The following EPN1 variants were observed in gnomAD, a reference collection of about 807,000 sequenced individuals.
The protein encoded by EPN1 is epsin-1.
Under a neutral mutation model 56.9 loss-of-function variants are expected in EPN1, and 25 were observed. The observed-to-expected ratio is 0.44, with a 90% CI of 0.32 to 0.61. The LOEUF is 0.61. Among genes scored for constraint, EPN1 ranks in the 20% least tolerant of loss-of-function variants. The probability of loss-of-function intolerance (pLI) is 0.05; values close to 1 mark genes in which losing one functional copy is unlikely to be tolerated. For missense variants in EPN1, 785 were observed against 823.7 expected, an observed-to-expected ratio of 0.95 and a Z score of 0.58; for synonymous variants, 411 against 361.8, an observed-to-expected ratio of 1.14 and a Z score of -1.54.
At chr19:55,693,588 G>T (rs1387298208) in intron 9 of EPN1, among the ~76,000 whole-genome samples, 1 of 152,204 alleles carries the variant, frequency 6.6e-6, no homozygotes, top group Non-Finnish European at 1.5e-5. Flanking sequence ...TCTTCGTCAG[G>T]AGTGCCCGAG....
Position 55,689,438 on chromosome 19 carries a change from C to T in EPN1, c.678+67C>T. The T allele has an allele frequency of 8.2e-7, 1 of 1,223,766 alleles. No homozygotes were observed. Among genetic ancestry groups the T allele is most frequent in the Non-Finnish European group, 1.2e-6 (1 of 851,838 alleles). 75.8% of individuals were successfully genotyped at this position (1,223,766 alleles called of 1,614,324 possible). ...CCTCAGACCAGCCCCGTCGCCCCTTCCTAAGTCACCCCCCACCATCCTGCT... is the reference window on the plus strand; with the variant it reads ...CCTCAGACCAGCCCCGTCGCCCCTTTCTAAGTCACCCCCCACCATCCTGCT... On this transcript the variant is annotated intron_variant, in intron 5 of 10. Transcript: ENST00000270460. This position sits in a 1 kb window ranked among gnomAD's most constrained non-coding sequence, Gnocchi z 5.7.
rs1396505068 is a variant in EPN1 at position 55,701,388 on chromosome 19, G to T, written c.*6032G>T. The T allele has an allele frequency of 2.7e-5, 4 of 150,820 alleles. No individual in the cohort carries two copies. In the East Asian group the frequency reaches 7.8e-4, roughly 29 times the overall value. The allele number at this position is 150,820 out of a possible 1,614,324, so 9.3% of individuals were successfully genotyped here. On this transcript the variant is annotated 3_prime_UTR_variant, in exon 11 of 11. Transcript: ENST00000270460. ...CGCTTGAACCCAGGAGGCGGAGGTT[G>T]TAGTGAGCCGAGATTGCACTACTGC...
rs538470243 is a variant in EPN1 at position 55,682,630 on chromosome 19, G to C, written c.229-2766G>C. 3.2e-4 allele frequency among the ~76,000 whole-genome samples: 49 copies of C among 152,014 alleles called. No homozygotes were observed. In the South Asian group the frequency reaches 0.01, roughly 31 times the overall value. ...TTTATTTTTTTAGAGCTGGGGTTTTGCCATGTCACCCACGATGGTCTTGAA... is the reference window on the plus strand; with the variant it reads ...TTTATTTTTTTAGAGCTGGGGTTTTCCCATGTCACCCACGATGGTCTTGAA... On this transcript the variant is annotated intron_variant, in intron 2 of 10. Coordinates refer to ENST00000270460, the MANE Select transcript of EPN1 (RefSeq NM_001130072.2).
rs1431654210 is a variant in EPN1, at chr19:55,698,001, C to G, written c.*2645C>G. The stretch of plus-strand genomic sequence containing the variant: ...TCAGTGGATGGAAAATCACTAAGAG[C>G]AAACCTCAGGGGTCCGGGGGTTTTC... On this transcript the variant is annotated 3_prime_UTR_variant, in exon 11 of 11. Coordinates refer to ENST00000270460, the MANE Select transcript of EPN1 (RefSeq NM_001130072.2). 1 of 151,652 alleles carries G rather than the reference C, an allele frequency of 6.6e-6. No homozygotes were observed. The highest frequency in any genetic ancestry group is 1.5e-5 in the Non-Finnish European group (1 of 67,986). The allele number at this position is 151,652 out of a possible 1,614,324, so 9.4% of individuals were successfully genotyped here.
At position 55,702,837 on chromosome 19, in the gene EPN1, C is replaced by T. The variant is rs1011402482; in HGVS notation, c.*7481C>T. 1 of 151,926 alleles carries T rather than the reference C, an allele frequency of 6.6e-6. No individual in the cohort carries two copies. The highest frequency in any genetic ancestry group is 1.5e-5 in the Non-Finnish European group (1 of 68,004). 9.4% of individuals were successfully genotyped at this position (151,926 alleles called of 1,614,324 possible). On this transcript the variant is annotated 3_prime_UTR_variant, in exon 11 of 11. Coordinates refer to ENST00000270460, the MANE Select transcript of EPN1 (RefSeq NM_001130072.2). ...TGAGACGGAGTCTTGCACTGTCACC[C>T]AGGCTGGAGTGCAGTGGTGCGATCT...
Position 55,694,037 on chromosome 19 carries a change from C to T in EPN1, c.1265-689C>T, listed in dbSNP as rs945889760. On this transcript the variant is annotated intron_variant, in intron 9 of 10. Coordinates refer to ENST00000270460, the MANE Select transcript of EPN1 (RefSeq NM_001130072.2). The surrounding 1 kb of genome is among the most constrained non-coding windows in gnomAD (Gnocchi z 4.2). Reference sequence around the variant, plus strand: ...TCAAGACCAGCCTGACCACCATGGCCAAAACTCCGTCTCTACTAAAAACAC... The same window carrying T: ...TCAAGACCAGCCTGACCACCATGGCTAAAACTCCGTCTCTACTAAAAACAC... 3.9e-5 allele frequency: 6 copies of T among 151,944 alleles called. No individual in the cohort carries two copies. Among genetic ancestry groups the T allele is most frequent in the African/African-American group, 1.5e-4 (6 of 41,364 alleles). 9.4% of individuals were successfully genotyped at this position (151,944 alleles called of 1,614,324 possible). A position where few individuals can be genotyped will look rare whatever the true frequency, so the allele number is the denominator to read the frequency against.
chr19:55,689,028 C>A lies in EPN1; in HGVS notation c.603+34C>A. On this transcript the variant is annotated intron_variant, in intron 4 of 10. Transcript: ENST00000270460. This position sits in a 1 kb window ranked among gnomAD's most constrained non-coding sequence, Gnocchi z 5.7. Reference sequence around the variant, plus strand: ...CGTGCAGCTGGGGCTGTCTGTCCGCCACCCGCCTCCACGCCTCACTTCAGG... The same window carrying A: ...CGTGCAGCTGGGGCTGTCTGTCCGCAACCCGCCTCCACGCCTCACTTCAGG... 6.4e-7 allele frequency: 1 copy of A among 1,551,166 alleles called. No individual in the cohort carries two copies.
intron 2 of EPN1, among the ~76,000 whole-genome samples, chr19:55,684,075 C>A (rs546034502): frequency 2.0e-5 from 3 of 152,282 alleles, no homozygotes; most frequent in Admixed American, 2.0e-4. Context: ...GCTTTCCTTT[C>A]TTTCGTGTAA....
In EPN1 at chr19:55,694,796, G is replaced by A. The variant is rs1371107616; in HGVS notation, c.1335G>A (p.Arg445=). 6.2e-7 allele frequency: 1 copy of A among 1,610,190 alleles called. No individual in the cohort carries two copies. The highest frequency in any genetic ancestry group is 8.5e-7 in the Non-Finnish European group (1 of 1,178,066). The change falls in exon 10 of 11, where the codon AGG becomes AGA. Residue 445 remains arginine, a synonymous_variant. Coordinates refer to ENST00000270460, the MANE Select transcript of EPN1 (RefSeq NM_001130072.2). This position sits in a 1 kb window ranked among gnomAD's most constrained non-coding sequence, Gnocchi z 4.2. ...GGGCGTTTGACATGAGTGGGGTCAG[G>A]GGATCTCTGGCTGAGGCTGTGGGCA... The part of the protein sequence containing the change: ...SPGAFDMSGV[R]GSLAEAVGSP...
intron 3 of EPN1, 104 bp from the exon 4 acceptor site, chr19:55,688,765 TG>T (rs1046900799): frequency 2.0e-6 from 3 of 1,484,696 alleles, no homozygotes; most frequent in Non-Finnish European, 1.8e-6. Flanking sequence ...GTGGGGGACT[TG>T]GGGGGTGGGG....
rs1438700910 is a variant in EPN1 at position 55,689,587 on chromosome 19, G to A, written c.678+216G>A. The stretch of plus-strand genomic sequence containing the variant: ...ACAGCTGTGCCAAGGTTGCTCGGGT[G>A]ACCAGGGTCCCTTCCTCCCCCCAAC... On this transcript the variant is annotated intron_variant, in intron 5 of 10. Transcript: ENST00000270460. The surrounding 1 kb of genome is among the most constrained non-coding windows in gnomAD (Gnocchi z 5.7). 6.6e-6 allele frequency among the ~76,000 whole-genome samples: 1 copy of A among 152,172 alleles called. No individual in the cohort carries two copies. The highest frequency in any genetic ancestry group is 6.5e-5 in the Admixed American group (1 of 15,284).
chr19:55,701,868 G>A lies in EPN1; in HGVS notation c.*6512G>A, dbSNP rs923181394. The A allele has an allele frequency of 1.3e-5, 2 of 152,200 alleles. No individual in the cohort carries two copies. The highest frequency in any genetic ancestry group is 6.5e-5 in the Admixed American group (1 of 15,288). The allele number at this position is 152,200 out of a possible 1,614,324, so 9.4% of individuals were successfully genotyped here. A position where few individuals can be genotyped will look rare whatever the true frequency, so the allele number is the denominator to read the frequency against. ...GTTTTATAGATGGGCTAGTGAGGAG[G>A]GGTGTCTTTTCTTCCTAGGGCCTGA... On this transcript the variant is annotated 3_prime_UTR_variant, in exon 11 of 11. Transcript: ENST00000270460.
Position 55,692,991 on chromosome 19 carries a change from C to G in EPN1, c.1218C>G (p.Asp406Glu), listed in dbSNP as rs763652780. 6.2e-7 allele frequency: 1 copy of G among 1,613,474 alleles called. No individual in the cohort carries two copies. Among genetic ancestry groups the G allele is most frequent in the Admixed American group, 1.7e-5 (1 of 60,016 alleles). ...GFDTEPDEFS[D>E]FDRLRTALPT... is the part of the protein sequence containing the mutation. ...ACACGGAGCCCGACGAGTTCTCTGACTTTGACCGACTCCGCACGGCACTGC... is the reference window on the plus strand; with the variant it reads ...ACACGGAGCCCGACGAGTTCTCTGAGTTTGACCGACTCCGCACGGCACTGC... Residue 406 changes from aspartate to glutamate, a missense_variant, in exon 9 of 11, where the codon GAC becomes GAG. Coordinates refer to ENST00000270460, the MANE Select transcript of EPN1 (RefSeq NM_001130072.2).
In EPN1 at chr19:55,699,393, A is replaced by C. The variant is rs1987041228; in HGVS notation, c.*4037A>C. The stretch of plus-strand genomic sequence containing the variant: ...CCGGCCAGAAATGTTTTATTTCTTG[A>C]GAACTTGTCTGTCTCTGTGATGACT... On this transcript the variant is annotated 3_prime_UTR_variant, in exon 11 of 11. Coordinates refer to ENST00000270460, the MANE Select transcript of EPN1 (RefSeq NM_001130072.2). The C allele has an allele frequency of 6.6e-6, 1 of 152,098 alleles. No homozygotes were observed. The highest frequency in any genetic ancestry group is 2.4e-5 in the African/African-American group (1 of 41,410). The allele number at this position is 152,098 out of a possible 1,614,324, so 9.4% of individuals were successfully genotyped here. A position where few individuals can be genotyped will look rare whatever the true frequency, so the allele number is the denominator to read the frequency against.
chr19:55,689,718 AT>A lies in EPN1; in HGVS notation c.679-148del. 1 of 771,098 alleles carries A rather than the reference AT, an allele frequency of 1.3e-6. No individual in the cohort carries two copies. The highest frequency in any genetic ancestry group is 2.7e-5 in the East Asian group (1 of 37,450). 47.8% of individuals were successfully genotyped at this position (771,098 alleles called of 1,614,324 possible). A position where few individuals can be genotyped will look rare whatever the true frequency, so the allele number is the denominator to read the frequency against. On this transcript the variant is annotated intron_variant, in intron 5 of 10. Transcript: ENST00000270460. This position sits in a 1 kb window ranked among gnomAD's most constrained non-coding sequence, Gnocchi z 5.7. ...GCCTGACCTTTGACCCAGGTGCCCC[AT>A]CCCCATTTCATACATTGTCCGCATC... is the stretch of plus-strand genomic sequence containing the variant.
rs2122233408 is a variant in EPN1, at chr19:55,699,203, C to CCGCCT, written c.*3849_*3853dup. 3 of 152,246 alleles carry CCGCCT rather than the reference C, an allele frequency of 2.0e-5. 1 individual carries two copies. The highest frequency in any genetic ancestry group is 4.4e-5 in the Non-Finnish European group (3 of 68,042). 9.4% of individuals were successfully genotyped at this position (152,246 alleles called of 1,614,324 possible). ...GGTATATCTCCTAATGCCTTCCCTC[C>CCGCCT]CGCCTCCCCCAGGCCCTTAGTTTGT... On this transcript the variant is annotated 3_prime_UTR_variant, in exon 11 of 11. Coordinates refer to ENST00000270460, the MANE Select transcript of EPN1 (RefSeq NM_001130072.2).
At chr19:55,680,241 G>A (rs142751576) in intron 2 of EPN1, among the ~76,000 whole-genome samples, 1 of 152,324 alleles carries the variant, frequency 6.6e-6, no homozygotes, top group East Asian at 1.9e-4. Flanking sequence ...GATTCTGACA[G>A]ATGCACATAT....
At chr19:55,688,738 C>A in intron 3 of EPN1, 132 bp from the exon 4 acceptor site, 2 of 1,324,870 alleles carry the variant, frequency 1.5e-6, no homozygotes, top group Non-Finnish European at 2.1e-6. Flanking sequence ...CTAGTCTTGG[C>A]CTGCAGAGGT....
intron 1 of EPN1, chr19:55,677,758 G>T: frequency 6.6e-7 from 1 of 1,509,812 alleles, no homozygotes; most frequent in Non-Finnish European, 8.9e-7. Context: ...TCCTGCCTCT[G>T]TCTTTAATCC....
Sources: gnomAD v4.1 joint callset for allele counts (sites outside exome capture counted in the v4.1 genomes callset) on GRCh38, gnomAD v4.1.1 for gene constraint, Gnocchi (gnomAD v3.1) non-coding constraint, MANE v1.5 for transcripts, NCBI Gene and HGNC (gene_info 2026-07-23, HGNC 2026-07-21) for gene names.